GNPAT: variants seen among roughly 807,000 people sequenced by gnomAD.
GNPAT encodes the protein dihydroxyacetone phosphate acyltransferase.
GNPAT carries 30 observed loss-of-function variants against 78.4 expected under a neutral mutation model. The observed-to-expected ratio is 0.38, with a 90% CI of 0.29 to 0.52. The LOEUF (loss-of-function observed/expected upper bound fraction) is 0.52. Among genes scored for constraint, GNPAT ranks in the 20% least tolerant of loss-of-function variants. The pLI is 0.84. For synonymous variants in GNPAT, 271 were observed against 281.1 expected, an observed-to-expected ratio of 0.96 and a Z score of 0.36; for missense variants, 714 against 812.2, an observed-to-expected ratio of 0.88 and a Z score of 1.47.
intron 11 of GNPAT, 47 bp downstream of exon 11, chr1:231,272,438 T>C (rs1208299468): frequency 1.0e-6 from 1 of 987,142 alleles, no homozygotes; most frequent in East Asian, 2.4e-5. Flanking sequence ...GTGTGAGTTC[T>C]AGAAATGTTA....
At chr1:231,249,239 G>C (rs138012293) in intron 1 of GNPAT, among the ~76,000 whole-genome samples, 5 of 152,142 alleles carry the variant, frequency 3.3e-5, no homozygotes, top group African/African-American at 1.2e-4. Context: ...TTATTACAAG[G>C]GTTGCAACTT....
At chr1:231,269,138 G>A (rs570993711) in intron 9 of GNPAT, among the ~76,000 whole-genome samples, 1 of 152,236 alleles carries the variant, frequency 6.6e-6, no homozygotes, top group Admixed American at 6.5e-5. Flanking sequence ...CAAGTTGTGA[G>A]GGTTCAGTGA....
At chr1:231,266,512 C>A in intron 8 of GNPAT, 105 bp downstream of exon 8, 1 of 941,360 alleles carries the variant, frequency 1.1e-6, no homozygotes, top group Non-Finnish European at 1.7e-6. Context: ...CTTAAGATTA[C>A]AGAGAAAATG....
Position 231,276,212 on chromosome 1 carries a change from T to A in GNPAT, c.1999+16T>A. 7.6e-7 allele frequency: 1 copy of A among 1,320,902 alleles called. No homozygotes were observed. Among genetic ancestry groups the A allele is most frequent in the Non-Finnish European group, 1.1e-6 (1 of 915,394 alleles). 81.8% of individuals were successfully genotyped at this position (1,320,902 alleles called of 1,614,324 possible). ...GAAATGCTTGGTAAGTGCAGTTTAA[T>A]AAAATACAAGTTTTCACATTTTGTT... On this transcript the variant is annotated intron_variant, in intron 15 of 15. Transcript: ENST00000366647.
At chr1:231,251,816 G>A (rs1345659665) in intron 2 of GNPAT, among the ~76,000 whole-genome samples, 3 of 152,202 alleles carry the variant, frequency 2.0e-5, no homozygotes, top group Admixed American at 2.0e-4. Flanking sequence ...ATTCCATTAA[G>A]TGCATTCAAG....
chr1:231,270,950 G>T lies in GNPAT; in HGVS notation c.1472G>T (p.Arg491Leu). 1 of 1,613,880 alleles carries T rather than the reference G, an allele frequency of 6.2e-7. No individual in the cohort carries two copies. The highest frequency in any genetic ancestry group is 8.5e-7 in the Non-Finnish European group (1 of 1,179,810). The change falls in exon 10 of 16, where the codon CGC becomes CTC. Residue 491 changes from arginine (R) to leucine (L), a missense_variant. Transcript: ENST00000366647. ...YRNQLLNIFV[R>L]PSLVAVALQM... is the part of the protein sequence containing the mutation. ...AACCAGCTGCTCAACATTTTTGTGC[G>T]CCCATCCTTAGTAGCAGTAGCATTG...
At chr1:231,254,895 G>A (rs1384710941) in intron 2 of GNPAT, among the ~76,000 whole-genome samples, 1 of 151,834 alleles carries the variant, frequency 6.6e-6, no homozygotes, top group East Asian at 1.9e-4. Context: ...GGGATTACAG[G>A]CACCCACCAC....
At chr1:231,246,859 T>C (rs916595398) in intron 1 of GNPAT, among the ~76,000 whole-genome samples, 1 of 152,226 alleles carries the variant, frequency 6.6e-6, no homozygotes, top group African/African-American at 2.4e-5. Context: ...TATTTTAATG[T>C]GCAGCCTGAG....
intron 6 of GNPAT, 25 bp from the exon 7 acceptor site, chr1:231,265,989 A>C: frequency 1.2e-6 from 2 of 1,605,140 alleles, no homozygotes; most frequent in Non-Finnish European, 1.7e-6. Flanking sequence ...TATGTTGATG[A>C]AGCATTTCTC....
At chr1:231,253,099 G>C (rs1168246126) in intron 2 of GNPAT, among the ~76,000 whole-genome samples, 1 of 152,158 alleles carries the variant, frequency 6.6e-6, no homozygotes, top group Non-Finnish European at 1.5e-5. Context: ...CTCCCGAGTA[G>C]CTAGGACTAC....
At chr1:231,269,229 T>C (rs1403554629) in intron 9 of GNPAT, among the ~76,000 whole-genome samples, 2 of 151,896 alleles carry the variant, frequency 1.3e-5, no homozygotes, top group African/African-American at 2.4e-5. Context: ...CAGGAAGACT[T>C]CACAGAAGCG....
intron 11 of GNPAT, 41 bp from the exon 12 acceptor site, chr1:231,273,881 A>C: frequency 6.4e-7 from 1 of 1,570,616 alleles, no homozygotes; most frequent in South Asian, 1.1e-5. Context: ...CACTATACCC[A>C]TTAACCTAGA....
Position 231,264,853 on chromosome 1 carries a change from G to A in GNPAT, c.569-440G>A, listed in dbSNP as rs535291207. ...GACATTGACATCATGACATTGTCAT[G>A]TTGCTCTGCTGTTGCCCCTGGCTCT... On this transcript the variant is annotated intron_variant, in intron 4 of 15. Transcript: ENST00000366647. Among the ~76,000 whole-genome samples the A allele has an allele frequency of 7.2e-5, 11 of 152,346 alleles. No individual in the cohort carries two copies. In the South Asian group the frequency reaches 2.1e-3, roughly 29 times the overall value.
In GNPAT at chr1:231,267,711, C is replaced by G; in HGVS notation, c.1087C>G (p.His363Asp). ...YIPQKQSEDM[H>D]AFVTEVAYKM... ...TCCTCAGAAACAGTCTGAGGACATG[C>G]ATGCCTTTGTCACTGAAGTTGCCTA... The change falls in exon 9 of 16, where the codon CAT (histidine) becomes GAT (aspartate). Residue 363 changes from histidine (H) to aspartate (D), a missense_variant. By Grantham distance (81) the His-to-Asp change is moderately conservative (BLOSUM62 -1). Coordinates refer to ENST00000366647, the MANE Select transcript of GNPAT (RefSeq NM_014236.4). 1.9e-6 allele frequency: 3 copies of G among 1,606,122 alleles called. No individual in the cohort carries two copies. Among genetic ancestry groups the G allele is most frequent in the Non-Finnish European group, 2.6e-6 (3 of 1,172,740 alleles).
intron 9 of GNPAT, chr1:231,269,872 C>T (rs1352914118): frequency 6.6e-6 from 1 of 152,156 alleles, no homozygotes; most frequent in African/African-American, 2.4e-5. Context: ...GATTACCCCA[C>T]ATTCCTAAGC....
At chr1:231,245,588 T>C (rs1181414553) in intron 1 of GNPAT, among the ~76,000 whole-genome samples, 1 of 152,192 alleles carries the variant, frequency 6.6e-6, no homozygotes, top group African/African-American at 2.4e-5. Flanking sequence ...TCCAGTGGTG[T>C]GCTACAGCAG....
intron 2 of GNPAT, 145 bp from the exon 3 acceptor site, chr1:231,260,362 T>G (rs962958717): frequency 4.7e-6 from 3 of 641,364 alleles, no homozygotes; most frequent in East Asian, 2.7e-5. Flanking sequence ...TATGACTGTG[T>G]TGGGAAGTTG....
intron 1 of GNPAT, among the ~76,000 whole-genome samples, chr1:231,241,791 G>A (rs1266089480): frequency 6.6e-6 from 1 of 152,236 alleles, no homozygotes; most frequent in Non-Finnish European, 1.5e-5. Flanking sequence ...TCTAGCGAGG[G>A]CATGTCGAGC....
Position 231,270,888 on chromosome 1 carries a change from C to G in GNPAT, c.1410C>G (p.Leu470=), listed in dbSNP as rs1196455801. Residue 470 remains leucine, a synonymous_variant, in exon 10 of 16, where the codon CTC becomes CTG. Transcript: ENST00000366647. ...CGGAAGTGGTCGATGGGCTTATGCT[C>G]CAGCACATCACTCTCCTCATGTGCT... The part of the protein sequence containing the change: ...GDSEVVDGLM[L]QHITLLMCSA... 6.2e-7 allele frequency: 1 copy of G among 1,614,112 alleles called. No homozygotes were observed. The highest frequency in any genetic ancestry group is 1.1e-5 in the South Asian group (1 of 91,074).
Sources: allele counts gnomAD v4.1 joint callset (sites outside exome capture counted in the v4.1 genomes callset), GRCh38; gene constraint gnomAD v4.1.1; transcripts MANE v1.5; gene names NCBI Gene and HGNC (gene_info 2026-07-23, HGNC 2026-07-21).